ATP13A4: variants seen among roughly 807,000 people sequenced by gnomAD.
ATP13A4 encodes the protein ATPase 13A4.
ATP13A4 carries 114 observed loss-of-function variants against 142.5 expected under a neutral mutation model. The ratio of observed to expected loss-of-function variants is 0.80; its 90% CI spans 0.69 to 0.93. The LOEUF (loss-of-function observed/expected upper bound fraction) is 0.93, where lower values mean the gene tolerates loss of function less well. Among genes scored for constraint, ATP13A4 ranks in the 40% least tolerant of loss-of-function variants. The pLI is 0.00. For synonymous variants in ATP13A4, 488 were observed against 514.8 expected, an observed-to-expected ratio of 0.95 and a Z score of 0.70; for missense variants, 1,392 against 1,454.0, an observed-to-expected ratio of 0.96 and a Z score of 0.69.
chr3:193,546,000 T>TA (rs1347281079), intron 1 of ATP13A4, among the ~76,000 whole-genome samples: 1 of 151,206 alleles, frequency 6.6e-6, no homozygotes. Context: ...TGTGTGTGTG[T>TA]GTGTGTGTGT....
intron 1 of ATP13A4, among the ~76,000 whole-genome samples, chr3:193,584,595 G>A (rs575813405): frequency 6.7e-6 from 1 of 150,088 alleles, no homozygotes; most frequent in African/African-American, 2.5e-5. Context: ...CTTCTGTTGG[G>A]TCCATTTCAC....
intron 18 of ATP13A4, among the ~76,000 whole-genome samples, chr3:193,447,439 G>A (rs1375652092): frequency 1.3e-5 from 2 of 152,262 alleles, no homozygotes; most frequent in East Asian, 1.9e-4. Context: ...CAGAAAATGC[G>A]TGCTTTGATG....
chr3:193,592,840 G>A (rs1180959859), intron 1 of ATP13A4, among the ~76,000 whole-genome samples: 1 of 152,236 alleles, frequency 6.6e-6, no homozygotes, highest in Non-Finnish European at 1.5e-5. Context: ...GCAAGCATTA[G>A]TTTGTAGTAC....
At chr3:193,424,938 GC>G (rs1715581238) in intron 25 of ATP13A4, among the ~76,000 whole-genome samples, 1 of 148,120 alleles carries the variant, frequency 6.8e-6, no homozygotes. Context: ...TAATAAAATA[GC>G]CCCTGACAAG....
intron 17 of ATP13A4, among the ~76,000 whole-genome samples, chr3:193,450,708 C>T (rs566112260): frequency 3.2e-4 from 49 of 152,282 alleles, no homozygotes; most frequent in African/African-American, 5.5e-4. Context: ...CTATGGCAGA[C>T]GCACCTAAAT....
chr3:193,522,604 T>C (rs960472323), intron 1 of ATP13A4, among the ~76,000 whole-genome samples: 3 of 152,214 alleles, frequency 2.0e-5, no homozygotes, highest in African/African-American at 7.2e-5. Flanking sequence ...CTTAGCTCTC[T>C]GATATTCTCG....
intron 25 of ATP13A4, among the ~76,000 whole-genome samples, chr3:193,415,969 T>G (rs1715040065): frequency 1.3e-5 from 2 of 152,210 alleles, no homozygotes; most frequent in Non-Finnish European, 2.9e-5. Context: ...AGCTCTGGAT[T>G]ATCTCCAGAC....
At chr3:193,438,899 T>C in intron 22 of ATP13A4, 124 bp downstream of exon 22, 4 of 1,053,282 alleles carry the variant, frequency 3.8e-6, no homozygotes, top group South Asian at 1.3e-5. Context: ...GCCAGGAGTA[T>C]ACCTCTAAAG....
At chr3:193,435,576 C>A (rs1019203483) in intron 24 of ATP13A4, 72 bp downstream of exon 24, 160 of 1,141,962 alleles carry the variant, frequency 1.4e-4, no homozygotes, top group Non-Finnish European at 2.0e-4. Flanking sequence ...CTTTGAGAGG[C>A]ATTGTAAATT....
chr3:193,543,336 G>T (rs893170900), intron 1 of ATP13A4, among the ~76,000 whole-genome samples: 11 of 152,130 alleles, frequency 7.2e-5, no homozygotes, highest in Non-Finnish European at 1.5e-4. Context: ...ACCATCATCG[G>T]AGTGAACAGA....
intron 9 of ATP13A4, among the ~76,000 whole-genome samples, chr3:193,468,754 G>T (rs1718451223): frequency 6.6e-6 from 1 of 152,166 alleles, no homozygotes; most frequent in South Asian, 2.1e-4. Flanking sequence ...CTCAAAAAAG[G>T]AAAGAAACAA....
intron 2 of ATP13A4, among the ~76,000 whole-genome samples, chr3:193,570,566 A>G (rs764453560): frequency 1.3e-5 from 2 of 152,190 alleles, no homozygotes; most frequent in Non-Finnish European, 2.9e-5. Context: ...GGTGACAGTG[A>G]ACAGAAGGGA....
At chr3:193,443,659 T>C (rs543951238) in intron 18 of ATP13A4, among the ~76,000 whole-genome samples, 2 of 152,304 alleles carry the variant, frequency 1.3e-5, no homozygotes, top group African/African-American at 4.8e-5. Context: ...TGCCAATCCA[T>C]AGATAGCCTA....
intron 13 of ATP13A4, among the ~76,000 whole-genome samples, chr3:193,460,214 C>T (rs971270072): frequency 3.3e-5 from 5 of 152,222 alleles, no homozygotes; most frequent in Admixed American, 6.5e-5. Context: ...CCGGCTGTTC[C>T]TCTAATAACA....
chr3:193,494,355 C>T (rs761945929), intron 3 of ATP13A4, among the ~76,000 whole-genome samples: 1 of 152,002 alleles, frequency 6.6e-6, no homozygotes, highest in Non-Finnish European at 1.5e-5. Flanking sequence ...ATGGAACAGT[C>T]TCCAGAATAG....
chr3:193,485,183 T>C (rs1170982697), intron 7 of ATP13A4, among the ~76,000 whole-genome samples: 1 of 149,034 alleles, frequency 6.7e-6, no homozygotes, highest in Non-Finnish European at 1.5e-5. Flanking sequence ...AAAAAAAGAG[T>C]ATGTTTCAGG....
chr3:193,552,805 G>A (rs556904895), intron 1 of ATP13A4, among the ~76,000 whole-genome samples: 2 of 152,202 alleles, frequency 1.3e-5, no homozygotes, highest in African/African-American at 4.8e-5. Flanking sequence ...AAGCCTGTGT[G>A]CATCAATTTC....
chr3:193,436,791 G>A (rs1182366682), intron 23 of ATP13A4, among the ~76,000 whole-genome samples: 1 of 150,516 alleles, frequency 6.6e-6, no homozygotes, highest in Non-Finnish European at 1.5e-5. Flanking sequence ...TGCCCACTAT[G>A]ATGTCCTAGG....
rs1721752764 is a variant in ATP13A4, at chr3:193,522,097, C to CA, written c.61-7227dup. Among the ~76,000 whole-genome samples, 3 of 152,192 alleles carry CA rather than the reference C, an allele frequency of 2.0e-5. No individual in the cohort carries two copies. The South Asian group carries it at 6.2e-4, about 31-fold the overall frequency. On this transcript the variant is annotated intron_variant, in intron 1 of 29. Transcript: ENST00000342695. ...GCCTACGGCCATTTCAGCTGAGCTG[C>CA]AGTCTGATTATGGAAGTAGGCTAAA...
Sources: gnomAD v4.1 joint callset for allele counts (sites outside exome capture counted in the v4.1 genomes callset) on GRCh38, gnomAD v4.1.1 for gene constraint, MANE v1.5 for transcripts, NCBI Gene and HGNC (gene_info 2026-07-23, HGNC 2026-07-21) for gene names.